Variants in PTPRK observed in about 807,000 individuals in gnomAD.
PTPRK encodes the protein receptor-type tyrosine-protein phosphatase kappa.
PTPRK carries 75 observed loss-of-function variants against 178.0 expected under a neutral mutation model. The observed-to-expected ratio is 0.42, with a 90% confidence interval of 0.35 to 0.51. The LOEUF (loss-of-function observed/expected upper bound fraction) is 0.51. Among genes scored for constraint, PTPRK ranks in the 20% least tolerant of loss-of-function variants. The pLI is 0.02. For synonymous variants in PTPRK, 637 were observed against 620.6 expected, an observed-to-expected ratio of 1.03 and a Z score of -0.39; for missense variants, 1,441 against 1,797.8, an observed-to-expected ratio of 0.80 and a Z score of 3.59.
intron 3 of PTPRK, among the ~76,000 whole-genome samples, chr6:128,306,932 G>T (rs1239587609): frequency 5.3e-5 from 8 of 152,010 alleles, no homozygotes; most frequent in Admixed American, 5.2e-4. Flanking sequence ...GAGGTCTGAG[G>T]TTCAGGTCAC....
intron 25 of PTPRK, among the ~76,000 whole-genome samples, chr6:127,977,934 TG>T (rs1774802831): frequency 6.6e-6 from 1 of 152,212 alleles, no homozygotes; most frequent in South Asian, 2.1e-4. Context: ...TCCCTAATGC[TG>T]ACAAAAATTT....
At chr6:128,280,539 C>CT (rs1453262741) in intron 3 of PTPRK, among the ~76,000 whole-genome samples, 1 of 152,090 alleles carries the variant, frequency 6.6e-6, no homozygotes, top group Non-Finnish European at 1.5e-5. Flanking sequence ...ATTGGCCATA[C>CT]TTTCTGTGTT....
intron 20 of PTPRK, 26 bp downstream of exon 20, chr6:127,991,267 CA>C (rs749067406): frequency 3.3e-6 from 5 of 1,534,432 alleles, no homozygotes; most frequent in South Asian, 1.2e-5. Context: ...ATTTTTATGA[CA>C]AAAAAATTCT....
chr6:128,293,875 G>A (rs918401117), intron 3 of PTPRK, among the ~76,000 whole-genome samples: 9 of 151,986 alleles, frequency 5.9e-5, no homozygotes, highest in African/African-American at 2.2e-4. Context: ...AGAGACACAC[G>A]ATCATATCAT....
chr6:128,231,018 G>A (rs1166951005), intron 5 of PTPRK, among the ~76,000 whole-genome samples: 5 of 152,096 alleles, frequency 3.3e-5, no homozygotes, highest in South Asian at 2.1e-4. Flanking sequence ...ATCTCTTTAC[G>A]GTAGGAAGCC....
chr6:128,273,003 T>G (rs558173223), intron 3 of PTPRK, among the ~76,000 whole-genome samples: 98 of 152,314 alleles, frequency 6.4e-4, no homozygotes, highest in African/African-American at 2.3e-3. Flanking sequence ...ATGTGGCACA[T>G]ATACACCATT....
intron 2 of PTPRK, among the ~76,000 whole-genome samples, chr6:128,336,512 TA>T (rs1830955342): frequency 6.6e-6 from 1 of 152,162 alleles, no homozygotes; most frequent in Non-Finnish European, 1.5e-5. Flanking sequence ...AGAAGAAACT[TA>T]ATAGTTTCAA....
intron 13 of PTPRK, among the ~76,000 whole-genome samples, chr6:128,024,480 G>A (rs936372211): frequency 2.0e-5 from 3 of 152,118 alleles, no homozygotes; most frequent in African/African-American, 7.2e-5. Context: ...CACTAAGTAT[G>A]AAAATTAGTA....
intron 1 of PTPRK, among the ~76,000 whole-genome samples, chr6:128,480,481 C>T (rs561459857): frequency 9.9e-5 from 15 of 152,222 alleles, no homozygotes; most frequent in South Asian, 4.1e-4. Context: ...ACCATATCTC[C>T]GTGCTCTATC....
At chr6:127,989,800 C>T (rs1431325792) in intron 21 of PTPRK, among the ~76,000 whole-genome samples, 1 of 141,448 alleles carries the variant, frequency 7.1e-6, no homozygotes, top group Non-Finnish European at 1.5e-5. Flanking sequence ...AATTGTGTTT[C>T]TTCAGAGATT....
intron 5 of PTPRK, among the ~76,000 whole-genome samples, chr6:128,228,926 G>A (rs1811855021): frequency 6.6e-6 from 1 of 152,048 alleles, no homozygotes; most frequent in African/African-American, 2.4e-5. Flanking sequence ...CATTATTTAA[G>A]TTACTCAATT....
At position 128,291,918 on chromosome 6, in the gene PTPRK, C is replaced by T. The variant is rs540576163; in HGVS notation, c.495+30121G>A. Among the ~76,000 whole-genome samples, 66 of 152,070 alleles carry T rather than the reference C, an allele frequency of 4.3e-4. 1 individual carries two copies. Among genetic ancestry groups the T allele is most frequent in the Non-Finnish European group, 1.5e-4 (10 of 67,990 alleles). On this transcript the variant is annotated intron_variant, in intron 3 of 29. Transcript: ENST00000368226. ...GTAGAAAAAGGGCAAAGTTCTCTCA[C>T]CACAACTTTTAACTCCTTTAACCAA...
intron 7 of PTPRK, among the ~76,000 whole-genome samples, chr6:128,146,390 C>T (rs144549188): frequency 2.7e-3 from 407 of 150,922 alleles, no homozygotes; most frequent in African/African-American, 9.4e-3. Context: ...TTTTACCATA[C>T]TGTTTGTGTG....
intron 1 of PTPRK, among the ~76,000 whole-genome samples, chr6:128,462,342 T>C (rs867362734): frequency 2.3e-4 from 35 of 152,170 alleles, no homozygotes; most frequent in African/African-American, 8.5e-4. Context: ...ATGTTGTTTA[T>C]TTTAATACTT....
intron 6 of PTPRK, among the ~76,000 whole-genome samples, chr6:128,190,194 A>C (rs1344231074): frequency 6.6e-6 from 1 of 152,180 alleles, no homozygotes. Flanking sequence ...TTTCTCCTAC[A>C]CTGCCAGTTT....
chr6:127,990,555 C>T (rs1388207062), intron 21 of PTPRK, among the ~76,000 whole-genome samples: 3 of 151,800 alleles, frequency 2.0e-5, no homozygotes, highest in Admixed American at 2.0e-4. Context: ...TGTCTTAATT[C>T]AATCGGCTCT....
intron 3 of PTPRK, among the ~76,000 whole-genome samples, chr6:128,295,912 AG>A (rs1487252521): frequency 6.6e-6 from 1 of 152,102 alleles, no homozygotes; most frequent in Non-Finnish European, 1.5e-5. Context: ...ACTGTTGAAA[AG>A]GCTAAAAAAG....
In PTPRK at chr6:128,330,867, CAAAAA is replaced by C. The variant is rs1281522122; in HGVS notation, c.224-8562_224-8558del. 1.6e-3 allele frequency among the ~76,000 whole-genome samples: 228 copies of C among 146,640 alleles called. 1 individual carries two copies. Among genetic ancestry groups the C allele is most frequent in the Non-Finnish European group, 1.5e-4 (10 of 67,148 alleles). ...TTTTTCTGAAAAACAAAAACAAAAA[CAAAAA>C]CAAAAACAAAAACAAAACAAAACAA... is the stretch of plus-strand genomic sequence containing the variant. On this transcript the variant is annotated intron_variant, in intron 2 of 29. Transcript: ENST00000368226.
chr6:128,514,550 T>G (rs953860565), intron 1 of PTPRK, among the ~76,000 whole-genome samples: 4 of 152,218 alleles, frequency 2.6e-5, no homozygotes, highest in Admixed American at 2.6e-4. Context: ...GTTGGAGGAT[T>G]CAGCCAGCAC....
Sources: allele counts gnomAD v4.1 joint callset (sites outside exome capture counted in the v4.1 genomes callset), GRCh38; gene constraint gnomAD v4.1.1; transcripts MANE v1.5; gene names NCBI Gene and HGNC (gene_info 2026-07-23, HGNC 2026-07-21).